KLF13: variants seen among roughly 807,000 people sequenced by gnomAD.
KLF13 encodes KLF transcription factor 13, also known as Krueppel-like factor 13.
In KLF13, 8 loss-of-function variants were observed where a neutral mutation model predicts 16.7. The observed-to-expected ratio is 0.48, with a 90% confidence interval of 0.28 to 0.87. KLF13 has a LOEUF of 0.87. Ranked by LOEUF, KLF13 falls within the 40% of genes least tolerant of loss-of-function variation. The pLI, the probability that KLF13 is intolerant of heterozygous loss-of-function variation, is 0.10. For synonymous variants in KLF13, 245 were observed against 208.4 expected (o/e 1.18, Z -1.51); for missense variants, 447 against 452.2 (o/e 0.99, Z 0.10).
intron 1 of KLF13, chr15:31,339,905 C>T (rs1176181708): frequency 1.4e-6 from 1 of 701,686 alleles, no homozygotes; most frequent in African/African-American, 1.7e-5. Context: ...CCTGACCCTT[C>T]ACCTTGGATT....
At chr15:31,342,352 G>A (rs2039040013) in intron 1 of KLF13, among the ~76,000 whole-genome samples, 1 of 152,216 alleles carries the variant, frequency 6.6e-6, no homozygotes, top group Non-Finnish European at 1.5e-5. Context: ...GGGTGAGGAT[G>A]CCGGCTGCCC....
chr15:31,361,070 C>T (rs774150232), intron 1 of KLF13, among the ~76,000 whole-genome samples: 5 of 152,190 alleles, frequency 3.3e-5, no homozygotes, highest in Admixed American at 2.6e-4. Flanking sequence ...AGCTGGGGAC[C>T]GTGGAGGTCC....
At chr15:31,391,327 G>A (rs1379067044), upstream of KLF13, among the ~76,000 whole-genome samples, 2 of 140,308 alleles carry the variant, frequency 1.4e-5, no homozygotes, top group East Asian at 2.2e-4. Flanking sequence ...TGTGGGTGTC[G>A]GGGTTGTGGG....
chr15:31,429,803 G>A (rs2040449410), intron 1 of KLF13, among the ~76,000 whole-genome samples: 2 of 151,524 alleles, frequency 1.3e-5, no homozygotes, highest in African/African-American at 4.9e-5. Context: ...GCGCAATCTC[G>A]GCTCACTGCA....
In KLF13 at chr15:31,411,399, T is replaced by C. The variant is rs1031560167; in HGVS notation, n.117+17708T>C. ...TTACCATACCAACACATTTTTTTTT[T>C]CTTTTTTTTTTTTTGAGATGGAGTC... On this transcript the variant is annotated intron_variant and non_coding_transcript_variant, in intron 1 of 1. Transcript: ENST00000558225. Among the ~76,000 whole-genome samples, 12 of 133,816 alleles carry C rather than the reference T, an allele frequency of 9.0e-5. No homozygotes were observed. In the South Asian group the frequency reaches 1.6e-3, roughly 18 times the overall value. 87.8% of individuals were successfully genotyped at this position (133,816 alleles called of 152,430 possible). A position where few individuals can be genotyped will look rare whatever the true frequency, so the allele number is the denominator to read the frequency against.
chr15:31,339,059 G>A (rs1036831518), intron 1 of KLF13, among the ~76,000 whole-genome samples: 1 of 152,036 alleles, frequency 6.6e-6, no homozygotes, highest in Admixed American at 6.5e-5. Flanking sequence ...ATGCCCTGGC[G>A]GCCTGTCCCT....
intron 1 of KLF13, among the ~76,000 whole-genome samples, chr15:31,422,011 A>T (rs1403444224): frequency 6.6e-6 from 1 of 151,968 alleles, no homozygotes; most frequent in Non-Finnish European, 1.5e-5. Context: ...GCTACTCAGG[A>T]GGCTGAGGCA....
At chr15:31,360,695 G>C (rs1265840332) in intron 1 of KLF13, among the ~76,000 whole-genome samples, 1 of 152,158 alleles carries the variant, frequency 6.6e-6, no homozygotes, top group African/African-American at 2.4e-5. Flanking sequence ...ACAGACCGTT[G>C]TCTAATTTGT....
chr15:31,405,355 C>T (rs984970468), downstream of KLF13, among the ~76,000 whole-genome samples: 3 of 152,194 alleles, frequency 2.0e-5, no homozygotes, highest in Non-Finnish European at 4.4e-5. Flanking sequence ...CTTGGAGAAC[C>T]CCCTCTCCTC....
Position 31,374,812 on chromosome 15 carries a change from ATCT to A in KLF13, c.*2515_*2517del. On this transcript the variant is annotated 3_prime_UTR_variant, in exon 2 of 2. Transcript: ENST00000307145. ...AAAAGATAGGACTCTAAACCTAGTC[ATCT>A]TGGAATAAAAAGAAGAGCTGGTTTG... 7.9e-6 allele frequency: 1 copy of A among 126,496 alleles called. No homozygotes were observed. The highest frequency in any genetic ancestry group is 3.1e-5 in the African/African-American group (1 of 32,718). 7.8% of individuals were successfully genotyped at this position (126,496 alleles called of 1,614,324 possible).
At chr15:31,428,208 G>A (rs1384741612) in intron 1 of KLF13, among the ~76,000 whole-genome samples, 1 of 152,190 alleles carries the variant, frequency 6.6e-6, no homozygotes, top group African/African-American at 2.4e-5. Flanking sequence ...GACCTGGGAA[G>A]AGAGAGGAAA....
At chr15:31,429,996 G>A (rs79087789) in intron 1 of KLF13, among the ~76,000 whole-genome samples, 2 of 151,956 alleles carry the variant, frequency 1.3e-5, no homozygotes, top group South Asian at 2.1e-4. Context: ...GCCTCCCAAA[G>A]TGCTGGGATT....
At chr15:31,429,695 T>A (rs112163468) in intron 1 of KLF13, among the ~76,000 whole-genome samples, 2 of 137,638 alleles carry the variant, frequency 1.5e-5, no homozygotes, top group African/African-American at 2.7e-5. Flanking sequence ...AGAAAGATTC[T>A]TTTATTTATT....
chr15:31,346,741 A>C (rs1224573848), intron 1 of KLF13, among the ~76,000 whole-genome samples: 3 of 152,254 alleles, frequency 2.0e-5, no homozygotes, highest in Admixed American at 6.5e-5. Flanking sequence ...GAAATCTTTC[A>C]GTTTCTAGCG....
At chr15:31,347,314 C>T (rs558930372) in intron 1 of KLF13, among the ~76,000 whole-genome samples, 39 of 152,132 alleles carry the variant, frequency 2.6e-4, no homozygotes, top group Non-Finnish European at 4.3e-4. Flanking sequence ...CCTTGGTGCT[C>T]GTGGTGGGGA....
chr15:31,418,224 G>A (rs2040279284), intron 1 of KLF13, among the ~76,000 whole-genome samples: 1 of 152,076 alleles, frequency 6.6e-6, no homozygotes, highest in Non-Finnish European at 1.5e-5. Context: ...TACTTTAGAG[G>A]ATTTTTTTTA....
rs577517644 is a variant in KLF13, at chr15:31,399,304, C to T, written n.530-4124C>T. On this transcript the variant is annotated intron_variant and non_coding_transcript_variant, in intron 2 of 2. Transcript: ENST00000500533. ...TCAAGCGATTCTCCTGCCTCAGCCT[C>T]CTGAGTAGCTGGGATTAGCCCAGCT... Among the ~76,000 whole-genome samples, 3 of 152,316 alleles carry T rather than the reference C, an allele frequency of 2.0e-5. No homozygotes were observed. In the East Asian group the frequency reaches 5.8e-4, roughly 29 times the overall value.
At chr15:31,386,127 A>C (rs778833479) in intron 1 of KLF13, among the ~76,000 whole-genome samples, 5 of 152,228 alleles carry the variant, frequency 3.3e-5, no homozygotes, top group Admixed American at 2.6e-4. Flanking sequence ...TTTCAATTCT[A>C]CAAAGGCTAA....
upstream of KLF13, among the ~76,000 whole-genome samples, chr15:31,389,587 A>G (rs1363486911): frequency 6.6e-6 from 1 of 152,014 alleles, no homozygotes; most frequent in Non-Finnish European, 1.5e-5. Flanking sequence ...ACTCCCCTAT[A>G]TTTACTACCA....
Sources: gnomAD v4.1 joint callset for allele counts (sites outside exome capture counted in the v4.1 genomes callset) on GRCh38, gnomAD v4.1.1 for gene constraint, MANE v1.5 for transcripts, NCBI Gene and HGNC (gene_info 2026-07-23, HGNC 2026-07-21) for gene names.